The following GGNBP2 variants were observed in gnomAD, a reference collection of about 807,000 sequenced individuals.
The protein encoded by GGNBP2 is gametogenetin-binding protein 2.
Under a neutral mutation model 85.9 loss-of-function variants are expected in GGNBP2, and 10 were observed. That is an observed-to-expected ratio of 0.12 (90% CI 0.07 to 0.20). The LOEUF (loss-of-function observed/expected upper bound fraction) is 0.20. Among genes scored for constraint, GGNBP2 ranks in the 10% least tolerant of loss-of-function variants. The pLI is 1.00. For synonymous variants in GGNBP2, 287 were observed against 285.7 expected, an observed-to-expected ratio of 1.00 and a Z score of -0.05; for missense variants, 595 against 857.8, an observed-to-expected ratio of 0.69 and a Z score of 3.83.
At chr17:36,583,963 G>T (rs1211797906) in intron 9 of GGNBP2, among the ~76,000 whole-genome samples, 1 of 152,110 alleles carries the variant, frequency 6.6e-6, no homozygotes, top group African/African-American at 2.4e-5. Context: ...GCATTGTTTT[G>T]TAACATCATG....
rs908178592 is a variant in GGNBP2 at position 36,585,282 on chromosome 17, T to C, written c.1216-18T>C. 5 of 1,606,874 alleles carry C rather than the reference T, an allele frequency of 3.1e-6. No individual in the cohort carries two copies. In the African/African-American group the frequency reaches 5.4e-5, roughly 17 times the overall value. ...TGGAGTAAAGCTCTTGACTCTCTCT[T>C]AATGTTGATCCTTAAAGGAAACAGA... On this transcript the variant is annotated intron_variant, in intron 9 of 13. Transcript: ENST00000613102.
chr17:36,551,406 G>A (rs543906468), intron 2 of GGNBP2, among the ~76,000 whole-genome samples: 10 of 151,966 alleles, frequency 6.6e-5, no homozygotes, highest in African/African-American at 2.4e-4. Flanking sequence ...GTTTCTCCAT[G>A]TTGGTCAGGC....
chr17:36,576,581 AAAAATATAT>A, intron 6 of GGNBP2: 1 of 27,070 alleles, frequency 3.7e-5, no homozygotes, highest in African/African-American at 1.0e-4. Flanking sequence ...AAAAAAAAAA[AAAAATATAT>A]ATATATGTGT....
intron 12 of GGNBP2, chr17:36,586,545 A>G (rs1295996053): frequency 3.5e-6 from 1 of 287,108 alleles, no homozygotes; most frequent in Non-Finnish European, 6.6e-6. Flanking sequence ...TGTCTAGTAC[A>G]TAGTAAGTGC....
chr17:36,589,373 A>T lies in GGNBP2; in HGVS notation c.2056A>T (p.Ile686Phe). 1 of 1,614,106 alleles carries T rather than the reference A, an allele frequency of 6.2e-7. No homozygotes were observed. The highest frequency in any genetic ancestry group is 8.5e-7 in the Non-Finnish European group (1 of 1,179,972). Residue 686 changes from isoleucine to phenylalanine, a missense_variant, in exon 14 of 14, where the codon ATT (isoleucine) becomes TTT (phenylalanine). By Grantham distance (21) the Ile-to-Phe change is conservative (BLOSUM62 0). This residue lies in a region of GGNBP2 where 26 missense variants were observed against 26.9 expected (regional missense o/e 0.97). Transcript: ENST00000613102. ...YCRLNDHKRP[I>F]CSGWLTTAGA... ...CCGGTTAAATGATCACAAGAGGCCCATTTGTAGTGGCTGGTTGACAACGGC... is the reference window on the plus strand; with the variant it reads ...CCGGTTAAATGATCACAAGAGGCCCTTTTGTAGTGGCTGGTTGACAACGGC...
chr17:36,553,109 A>G (rs903358463), intron 2 of GGNBP2, among the ~76,000 whole-genome samples: 4 of 152,154 alleles, frequency 2.6e-5, no homozygotes, highest in Non-Finnish European at 4.4e-5. Flanking sequence ...AAGGAGCATT[A>G]ACTCTTCCCC....
At chr17:36,577,478 C>T (rs1007121425) in intron 6 of GGNBP2, 1 of 156,840 alleles carries the variant, frequency 6.4e-6, no homozygotes, top group Non-Finnish European at 1.4e-5. Flanking sequence ...CACCCCAACC[C>T]CTACCCCTAT....
chr17:36,576,584 A>AAAATAT (rs1567830323), intron 6 of GGNBP2: 3 of 47,144 alleles, frequency 6.4e-5, no homozygotes, highest in African/African-American at 1.2e-4. Context: ...AAAAAAAAAA[A>AAAATAT]ATATATATAT....
intron 8 of GGNBP2, among the ~76,000 whole-genome samples, chr17:36,580,981 A>T (rs2074643439): frequency 6.7e-6 from 1 of 150,256 alleles, no homozygotes; most frequent in Non-Finnish European, 1.5e-5. Flanking sequence ...AGGAGTGTGT[A>T]TATTACCACA....
chr17:36,586,374 G>A, intron 12 of GGNBP2, 176 bp downstream of exon 12: 1 of 672,014 alleles, frequency 1.5e-6, no homozygotes, highest in Non-Finnish European at 2.4e-6. Flanking sequence ...GGCAGAGAGA[G>A]ATGTGATCAT....
chr17:36,583,465 G>A (rs928718115), intron 9 of GGNBP2, among the ~76,000 whole-genome samples: 4 of 151,918 alleles, frequency 2.6e-5, no homozygotes, highest in African/African-American at 9.7e-5. Context: ...GGTAGGAAAA[G>A]TATTTTATTT....
chr17:36,557,868 C>T (rs911117442), intron 4 of GGNBP2, among the ~76,000 whole-genome samples: 1 of 152,058 alleles, frequency 6.6e-6, no homozygotes, highest in Non-Finnish European at 1.5e-5. Flanking sequence ...AATCCCAGCA[C>T]TTTGGGAGGC....
chr17:36,557,042 C>T (rs2074369186), intron 3 of GGNBP2, 41 bp from the exon 4 acceptor site: 2 of 1,610,414 alleles, frequency 1.2e-6, no homozygotes, highest in South Asian at 2.2e-5. Flanking sequence ...AATTTTACGT[C>T]TTTTTAAAGG....
chr17:36,554,388 A>T (rs1376382802), intron 2 of GGNBP2, among the ~76,000 whole-genome samples: 26 of 29,386 alleles, frequency 8.8e-4, no homozygotes, highest in Non-Finnish European at 1.3e-3. Context: ...TTTTTTTTTG[A>T]CAGAGTTTCA....
chr17:36,577,653 A>C (rs1237161743), intron 6 of GGNBP2: 1 of 344,610 alleles, frequency 2.9e-6, no homozygotes, highest in Non-Finnish European at 5.5e-6. Flanking sequence ...TGACCTGCGC[A>C]AATAGCTTTT....
At chr17:36,556,963 A>G in intron 3 of GGNBP2, 120 bp from the exon 4 acceptor site, 1 of 1,118,988 alleles carries the variant, frequency 8.9e-7, no homozygotes, top group Non-Finnish European at 1.3e-6. Context: ...AGTTGCAGGT[A>G]GAGCTGGTAA....
Position 36,576,671 on chromosome 17 carries a change from G to GTATATA in GGNBP2, c.642-1301_642-1296dup, listed in dbSNP as rs374039339. The GTATATA allele has an allele frequency of 4.1e-3, 526 of 127,926 alleles. 7 individuals are homozygous for GTATATA. The highest frequency in any genetic ancestry group is 0.015 in the African/African-American group (514 of 33,466). 7.9% of individuals were successfully genotyped at this position (127,926 alleles called of 1,614,324 possible). On this transcript the variant is annotated intron_variant, in intron 6 of 13. Coordinates refer to ENST00000613102, the MANE Select transcript of GGNBP2 (RefSeq NM_024835.5). The stretch of plus-strand genomic sequence containing the variant: ...TATGTATATATATGTATATATATGT[G>GTATATA]TATATATATATATATAGCATAGGCA...
chr17:36,556,952 C>T, intron 3 of GGNBP2, 131 bp from the exon 4 acceptor site: 1 of 993,736 alleles, frequency 1.0e-6, no homozygotes, highest in Admixed American at 2.0e-5. Flanking sequence ...CTTTCTGACT[C>T]AGTTGCAGGT....
Position 36,557,181 on chromosome 17 carries a change from T to G in GGNBP2, c.273T>G (p.Gly91=). Residue 91 remains glycine, a synonymous_variant, in exon 4 of 14, where the codon GGT becomes GGG. Coordinates refer to ENST00000613102, the MANE Select transcript of GGNBP2 (RefSeq NM_024835.5). The part of the protein sequence containing the change: ...SALSQLVPCV[G]CRRSVERLFS... Reference sequence around the variant, plus strand: ...TTTCTCAGCTTGTCCCATGTGTTGGTTGTCGTCGCAGTGTGGAGCGTCTCT... The same window carrying G: ...TTTCTCAGCTTGTCCCATGTGTTGGGTGTCGTCGCAGTGTGGAGCGTCTCT... The G allele has an allele frequency of 2.5e-6, 4 of 1,614,144 alleles. No homozygotes were observed. The highest frequency in any genetic ancestry group is 2.5e-6 in the Non-Finnish European group (3 of 1,180,028).
Sources: allele counts gnomAD v4.1 joint callset (sites outside exome capture counted in the v4.1 genomes callset), GRCh38; gene constraint gnomAD v4.1.1; regional missense constraint gnomAD v4.1.1; transcripts MANE v1.5; gene names NCBI Gene and HGNC (gene_info 2026-07-23, HGNC 2026-07-21).